Variants in SORCS3 observed in about 807,000 individuals in gnomAD.
The protein encoded by SORCS3 is VPS10 domain-containing receptor SorCS3.
Under a neutral mutation model 146.3 loss-of-function variants are expected in SORCS3, and 57 were observed. That is an observed-to-expected ratio of 0.39 (90% CI 0.31 to 0.49). The LOEUF is 0.49. Among genes scored for constraint, SORCS3 ranks in the 20% least tolerant of loss-of-function variants. SORCS3 has a pLI of 0.92. For missense variants in SORCS3, 1,341 were observed against 1,575.5 expected, an observed-to-expected ratio of 0.85 and a Z score of 2.52; for synonymous variants, 653 against 618.5, an observed-to-expected ratio of 1.06 and a Z score of -0.83.
intron 2 of SORCS3, among the ~76,000 whole-genome samples, chr10:104,890,863 A>C (rs2018742711): frequency 6.6e-6 from 1 of 152,234 alleles, no homozygotes; most frequent in Non-Finnish European, 1.5e-5. Context: ...TGCTCCCAGG[A>C]TGCAGACAGT....
At chr10:105,019,219 T>A (rs2055185267) in intron 4 of SORCS3, among the ~76,000 whole-genome samples, 1 of 152,196 alleles carries the variant, frequency 6.6e-6, no homozygotes. Context: ...ATTTCTACTC[T>A]TTGTTCATTT....
intron 1 of SORCS3, among the ~76,000 whole-genome samples, chr10:104,730,931 G>A (rs1225168341): frequency 6.6e-6 from 1 of 152,234 alleles, no homozygotes; most frequent in Non-Finnish European, 1.5e-5. Flanking sequence ...GGTGAGGTTT[G>A]GGTGGGGACA....
intron 25 of SORCS3, among the ~76,000 whole-genome samples, chr10:105,259,770 T>G (rs979078427): frequency 6.6e-6 from 1 of 152,198 alleles, no homozygotes; most frequent in African/African-American, 2.4e-5. Flanking sequence ...CCCACTTTGC[T>G]TTCTCTAAAT....
chr10:104,730,541 C>T (rs530581101), intron 1 of SORCS3, among the ~76,000 whole-genome samples: 13 of 152,350 alleles, frequency 8.5e-5, no homozygotes, highest in Middle Eastern at 3.4e-3. Flanking sequence ...GCTTCTACCT[C>T]CCGCTTTTCT....
At chr10:105,182,913 A>G (rs7920660) in intron 14 of SORCS3, among the ~76,000 whole-genome samples, 62,258 of 151,862 alleles carry the variant, frequency 0.41, 13,019 homozygotes, top group South Asian at 0.52. Context: ...ATGTTGCCCA[A>G]GCTGTTCTTG....
chr10:104,899,220 T>C (rs1039597970), intron 2 of SORCS3, among the ~76,000 whole-genome samples: 10 of 152,240 alleles, frequency 6.6e-5, no homozygotes, highest in African/African-American at 1.9e-4. Context: ...TCTTCTCTAC[T>C]ATGGGACTTA....
At chr10:104,753,848 T>C (rs1409089594) in intron 1 of SORCS3, among the ~76,000 whole-genome samples, 4 of 152,208 alleles carry the variant, frequency 2.6e-5, no homozygotes. Context: ...GGCTGACCTA[T>C]AGCTACAAGA....
intron 14 of SORCS3, among the ~76,000 whole-genome samples, chr10:105,186,702 G>C (rs990311441): frequency 6.6e-6 from 1 of 151,866 alleles, no homozygotes; most frequent in African/African-American, 2.4e-5. Flanking sequence ...GACCAACATA[G>C]TGAAACCCCG....
At chr10:104,780,869 C>T (rs1256972396) in intron 1 of SORCS3, among the ~76,000 whole-genome samples, 1 of 152,194 alleles carries the variant, frequency 6.6e-6, no homozygotes, top group Non-Finnish European at 1.5e-5. Context: ...AGAAGTTTAC[C>T]ATCTTCTTAG....
At chr10:105,062,983 G>T (rs567339825) in intron 5 of SORCS3, among the ~76,000 whole-genome samples, 1 of 152,328 alleles carries the variant, frequency 6.6e-6, no homozygotes, top group South Asian at 2.1e-4. Flanking sequence ...TGGAACGAAA[G>T]AAACAGCAGC....
At chr10:105,231,186 G>T (rs976013676) in intron 20 of SORCS3, among the ~76,000 whole-genome samples, 4 of 152,174 alleles carry the variant, frequency 2.6e-5, no homozygotes, top group African/African-American at 9.7e-5. Flanking sequence ...TTTCTTAGAT[G>T]ACCTATTCAA....
At chr10:104,937,739 G>T (rs1363594009) in intron 3 of SORCS3, among the ~76,000 whole-genome samples, 1 of 152,170 alleles carries the variant, frequency 6.6e-6, no homozygotes, top group Non-Finnish European at 1.5e-5. Flanking sequence ...GTCAATTCTT[G>T]CTCACCTCAA....
intron 16 of SORCS3, among the ~76,000 whole-genome samples, chr10:105,206,158 G>C (rs940921879): frequency 2.6e-5 from 4 of 152,016 alleles, no homozygotes; most frequent in African/African-American, 9.7e-5. Context: ...GGATAAACAA[G>C]ACAATAAACA....
intron 20 of SORCS3, among the ~76,000 whole-genome samples, chr10:105,223,743 C>T (rs1241589973): frequency 3.9e-5 from 6 of 152,172 alleles, no homozygotes; most frequent in Non-Finnish European, 8.8e-5. Context: ...GAGGTTGCCA[C>T]GTCTCAAAGA....
At chr10:104,716,002 T>A (rs2016472228) in intron 1 of SORCS3, among the ~76,000 whole-genome samples, 1 of 152,000 alleles carries the variant, frequency 6.6e-6, no homozygotes, top group South Asian at 2.1e-4. Flanking sequence ...TTTACAGGAG[T>A]CTCCTTGCTG....
intron 16 of SORCS3, among the ~76,000 whole-genome samples, chr10:105,203,132 A>G (rs1357538333): frequency 1.3e-5 from 2 of 152,180 alleles, no homozygotes; most frequent in African/African-American, 4.8e-5. Flanking sequence ...ACTGGAAGCC[A>G]GAGGAGTGAC....
chr10:105,113,021 T>A lies in SORCS3; in HGVS notation c.1212+7506T>A, dbSNP rs1326021795. On this transcript the variant is annotated intron_variant, in intron 7 of 26. Transcript: ENST00000369701. ...TCCTTTCCCACCCTTATGTGCCAAA[T>A]GGAGGAGGACGCCTGGAAAGGCTGG... Among the ~76,000 whole-genome samples the A allele has an allele frequency of 4.6e-5, 7 of 152,288 alleles. No homozygotes were observed. In the East Asian group the frequency reaches 1.4e-3, roughly 29 times the overall value.
At chr10:105,016,156 T>TA (rs1554868994) in intron 4 of SORCS3, among the ~76,000 whole-genome samples, 1,024 of 74,666 alleles carry the variant, frequency 0.014, 13 homozygotes, top group East Asian at 0.059. Context: ...TATATATATA[T>TA]TTTTTTTTTT....
chr10:104,857,205 A>C (rs1412259683), intron 2 of SORCS3, among the ~76,000 whole-genome samples: 1 of 151,734 alleles, frequency 6.6e-6, no homozygotes, highest in Non-Finnish European at 1.5e-5. Context: ...TTGTGAATGC[A>C]GTTCAGGGAA....
Sources: allele counts gnomAD v4.1 joint callset (sites outside exome capture counted in the v4.1 genomes callset), GRCh38; gene constraint gnomAD v4.1.1; transcripts MANE v1.5; gene names NCBI Gene and HGNC (gene_info 2026-07-23, HGNC 2026-07-21).